Variants in EYS observed in about 807,000 individuals in gnomAD.
The protein encoded by EYS is protein eyes shut homolog.
EYS carries 250 observed loss-of-function variants against 282.1 expected under a neutral mutation model. That is an observed-to-expected ratio of 0.89 (90% CI 0.80 to 0.98). The LOEUF is 0.98. Among genes scored for constraint, EYS ranks in the 50% least tolerant of loss-of-function variants. The probability of loss-of-function intolerance (pLI) is 0.00; values close to 1 mark genes in which losing one functional copy is unlikely to be tolerated. For synonymous variants in EYS, 1,355 were observed against 1,282.9 expected (o/e 1.06, Z -1.20); for missense variants, 4,016 against 3,709.0 (o/e 1.08, Z -2.15).
rs78862189 is a variant in EYS, at chr6:64,020,564, G to A, written c.6726-21381C>T. On this transcript the variant is annotated intron_variant, in intron 33 of 42. Transcript: ENST00000503581. ...AATAGATGTGGTAGTAACAGGAAAA[G>A]AAATGGTAAAAATTATCCAACAATT... Among the ~76,000 whole-genome samples the A allele has an allele frequency of 7.5e-3, 1,141 of 152,222 alleles. 14 individuals are homozygous for A. Among genetic ancestry groups the A allele is most frequent in the African/African-American group, 0.025 (1,049 of 41,534 alleles).
At chr6:64,919,094 A>G (rs1327836465) in intron 15 of EYS, among the ~76,000 whole-genome samples, 4 of 152,232 alleles carry the variant, frequency 2.6e-5, no homozygotes, top group Non-Finnish European at 5.9e-5. Context: ...AAAGAGTTCT[A>G]CTAGGCAGAT....
intron 31 of EYS, among the ~76,000 whole-genome samples, chr6:64,190,875 G>T (rs954168072): frequency 6.6e-6 from 1 of 152,074 alleles, no homozygotes; most frequent in Non-Finnish European, 1.5e-5. Context: ...CTATTATGTC[G>T]CTGGCTAGAA....
At chr6:64,662,894 C>A (rs1238259160) in intron 22 of EYS, among the ~76,000 whole-genome samples, 2 of 87,544 alleles carry the variant, frequency 2.3e-5, no homozygotes, top group South Asian at 8.6e-4. Flanking sequence ...TATACCTCCA[C>A]CCCATTTTTG....
intron 29 of EYS, among the ~76,000 whole-genome samples, chr6:64,374,882 T>G (rs563903853): frequency 6.6e-6 from 1 of 152,302 alleles, no homozygotes; most frequent in Non-Finnish European, 1.5e-5. Flanking sequence ...GTCAGTCTTC[T>G]TTTTCAACTG....
At chr6:65,546,603 A>G (rs193125250) in intron 2 of EYS, among the ~76,000 whole-genome samples, 1 of 148,506 alleles carries the variant, frequency 6.7e-6, no homozygotes, top group Admixed American at 6.7e-5. Flanking sequence ...GTTTTTTGAG[A>G]CAGAGCCTTG....
intron 19 of EYS, among the ~76,000 whole-genome samples, chr6:64,881,090 T>C (rs1367371575): frequency 1.3e-5 from 2 of 151,814 alleles, no homozygotes; most frequent in East Asian, 3.9e-4. Flanking sequence ...TGAGACACTT[T>C]GTCCATCCTG....
At chr6:65,005,202 C>A (rs552087329) in intron 13 of EYS, among the ~76,000 whole-genome samples, 17 of 147,936 alleles carry the variant, frequency 1.1e-4, no homozygotes, top group African/African-American at 3.9e-4. Context: ...CCTGATCCAG[C>A]GAGGCGCCCA....
intron 5 of EYS, among the ~76,000 whole-genome samples, chr6:65,423,311 T>C (rs924592195): frequency 6.6e-6 from 1 of 151,930 alleles, no homozygotes; most frequent in African/African-American, 2.4e-5. Context: ...GTTAAATTAT[T>C]CAATTTAAAA....
Position 64,074,945 on chromosome 6 carries a change from C to A in EYS, c.6571+6911G>T, listed in dbSNP as rs143598497. On this transcript the variant is annotated intron_variant, in intron 32 of 42. Coordinates refer to ENST00000503581, the MANE Select transcript of EYS (RefSeq NM_001142800.2). ...GTACCCTATATTGTACAATAGCTCA[C>A]ACTAACTTGGGTTCAAATCTATCCT... Among the ~76,000 whole-genome samples the A allele has an allele frequency of 3.9e-5, 6 of 152,040 alleles. No homozygotes were observed. The East Asian group carries it at 9.7e-4, about 24-fold the overall frequency.
chr6:63,797,413 A>T (rs1034577304), intron 37 of EYS: 1 of 152,216 alleles, frequency 6.6e-6, no homozygotes, highest in Non-Finnish European at 1.5e-5. Context: ...ATCGAGTGAT[A>T]TAGGATTCTA....
chr6:64,342,322 C>T (rs756042040), intron 29 of EYS, among the ~76,000 whole-genome samples: 3 of 151,694 alleles, frequency 2.0e-5, no homozygotes, highest in South Asian at 2.1e-4. Context: ...AGAGAAAGGT[C>T]GGGTTACCCA....
intron 28 of EYS, among the ~76,000 whole-genome samples, chr6:64,430,105 GT>G (rs1264724343): frequency 1.3e-5 from 2 of 152,158 alleles, no homozygotes; most frequent in Non-Finnish European, 2.9e-5. Context: ...CACATGTCCT[GT>G]TCTTGGTTTC....
Position 65,344,120 on chromosome 6 carries a change from T to A in EYS, c.1517A>T (p.Asn506Ile). Reference protein sequence around the residue: ...VIDAYFFLAANCTEDATYVND... With the variant: ...VIDAYFFLAAICTEDATYVND... ...CACATAGGTTGCATCTTCAGTGCAG[T>A]TTGCAGCCAGAAAGAAATAGGCATC... Residue 506 changes from asparagine to isoleucine, a missense_variant, in exon 10 of 43, where the codon AAC becomes ATC. Physicochemically the swap from Asn to Ile is moderately radical, Grantham distance 149. Transcript: ENST00000503581. 1 of 1,610,456 alleles carries A rather than the reference T, an allele frequency of 6.2e-7. No homozygotes were observed. The highest frequency in any genetic ancestry group is 8.5e-7 in the Non-Finnish European group (1 of 1,177,668).
intron 7 of EYS, among the ~76,000 whole-genome samples, chr6:65,385,188 G>GT (rs767673260): frequency 6.6e-6 from 1 of 151,720 alleles, no homozygotes; most frequent in Non-Finnish European, 1.5e-5. Flanking sequence ...ATGAAAGAAT[G>GT]TTTTTTCTAA....
intron 28 of EYS, among the ~76,000 whole-genome samples, chr6:64,389,931 C>A (rs604228): frequency 8.0e-5 from 12 of 150,090 alleles, no homozygotes; most frequent in Non-Finnish European, 1.3e-4. Flanking sequence ...GTGCGCCAGC[C>A]GAAGCAGGGC....
intron 26 of EYS, among the ~76,000 whole-genome samples, chr6:64,456,230 A>C (rs1775556478): frequency 6.6e-6 from 1 of 152,098 alleles, no homozygotes; most frequent in Admixed American, 6.6e-5. Context: ...CTAACTACAA[A>C]AGGTTTCATT....
intron 26 of EYS, among the ~76,000 whole-genome samples, chr6:64,452,924 A>G (rs912514815): frequency 1.3e-5 from 2 of 152,216 alleles, no homozygotes; most frequent in African/African-American, 4.8e-5. Context: ...AAACCTAGGC[A>G]ATACCATTCA....
chr6:65,367,423 GT>G (rs574915032), intron 8 of EYS, among the ~76,000 whole-genome samples: 125 of 151,592 alleles, frequency 8.2e-4, no homozygotes, highest in African/African-American at 2.6e-3. Flanking sequence ...GTTAAAAAAA[GT>G]TTTTTTCAAT....
At chr6:63,877,640 C>A (rs1399162905) in intron 35 of EYS, among the ~76,000 whole-genome samples, 2 of 151,194 alleles carry the variant, frequency 1.3e-5, no homozygotes, top group Non-Finnish European at 1.5e-5. Context: ...TTTACATAGC[C>A]CCATATTTCT....
Sources: allele counts gnomAD v4.1 joint callset (sites outside exome capture counted in the v4.1 genomes callset), GRCh38; gene constraint gnomAD v4.1.1; transcripts MANE v1.5; gene names NCBI Gene and HGNC (gene_info 2026-07-23, HGNC 2026-07-21).